Variants in RNLS observed in about 807,000 individuals in gnomAD.
RNLS encodes renalase.
A neutral mutation model predicts 39.8 loss-of-function variants in RNLS; 39 were observed. That is an observed-to-expected ratio of 0.98 (90% CI 0.76 to 1.28). RNLS has a LOEUF of 1.28. Ranked by LOEUF, RNLS falls within the 50% of genes most tolerant of loss-of-function variation. The pLI is 0.00. For synonymous variants in RNLS, 147 were observed against 150.7 expected, an observed-to-expected ratio of 0.98 and a Z score of 0.18; for missense variants, 410 against 413.3, an observed-to-expected ratio of 0.99 and a Z score of 0.07.
the RNLS span, among the ~76,000 whole-genome samples, chr10:88,172,123 T>G: frequency 2.0e-5 from 3 of 152,206 alleles, no homozygotes; most frequent in Non-Finnish European, 4.4e-5. Context: ...TAAATAATAC[T>G]GCAATAAACA....
chr10:88,290,106 G>A (rs1345864940), intron 6 of RNLS, among the ~76,000 whole-genome samples: 4 of 152,204 alleles, frequency 2.6e-5, no homozygotes, highest in African/African-American at 9.6e-5. Context: ...AGGCAGACAA[G>A]TAGGCTGAGT....
the RNLS span, among the ~76,000 whole-genome samples, chr10:88,244,792 G>C: frequency 6.6e-6 from 1 of 151,658 alleles, no homozygotes; most frequent in Admixed American, 6.6e-5. Context: ...TTTGCATTCA[G>C]TTTATTTTGA....
At chr10:88,527,881 C>A (rs1352352743) in intron 4 of RNLS, among the ~76,000 whole-genome samples, 1 of 149,684 alleles carries the variant, frequency 6.7e-6, no homozygotes, top group African/African-American at 2.5e-5. Context: ...AGTTTGTTAT[C>A]CTCAGAGAGA....
At chr10:88,351,343 T>C (rs189893661) in intron 5 of RNLS, among the ~76,000 whole-genome samples, 44 of 152,348 alleles carry the variant, frequency 2.9e-4, no homozygotes, top group African/African-American at 1.0e-3. Flanking sequence ...TGTTTTCTTC[T>C]ATGGTTTTTA....
At chr10:88,562,943 A>T (rs1395054723) in intron 4 of RNLS, among the ~76,000 whole-genome samples, 1 of 152,308 alleles carries the variant, frequency 6.6e-6, no homozygotes, top group East Asian at 1.9e-4. Context: ...ACCATAAATC[A>T]ACAAAAGTGA....
chr10:88,531,674 G>A (rs1847434054), intron 4 of RNLS, among the ~76,000 whole-genome samples: 1 of 151,928 alleles, frequency 6.6e-6, no homozygotes, highest in South Asian at 2.1e-4. Context: ...ACTAAGTCAG[G>A]GCACCATCTT....
At chr10:88,439,163 C>T (rs1841574606) in intron 4 of RNLS, among the ~76,000 whole-genome samples, 1 of 152,120 alleles carries the variant, frequency 6.6e-6, no homozygotes, top group African/African-American at 2.4e-5. Flanking sequence ...ACACTAAACT[C>T]AAGACTCTTT....
rs768939981 is a variant in RNLS, at chr10:88,524,956, C to CACATATATATATAT, written c.526+47946_526+47947insATATATATATATGT. 3.0e-4 allele frequency among the ~76,000 whole-genome samples: 23 copies of CACATATATATATAT among 76,238 alleles called. 2 individuals carry two copies. Among genetic ancestry groups the CACATATATATATAT allele is most frequent in the South Asian group, 1.1e-3 (2 of 1,858 alleles). The allele number at this position is 76,238 out of a possible 152,430, so 50.0% of individuals were successfully genotyped here. On this transcript the variant is annotated intron_variant, in intron 4 of 6. Coordinates refer to ENST00000331772, the MANE Select transcript of RNLS (RefSeq NM_001031709.3). ...CATATATATATATATATGGCACACA[C>CACATATATATATAT]ATACATATATATATATATATATATA...
At chr10:88,499,721 T>C (rs1845367386) in intron 4 of RNLS, among the ~76,000 whole-genome samples, 2 of 152,056 alleles carry the variant, frequency 1.3e-5, no homozygotes, top group Non-Finnish European at 2.9e-5. Context: ...AGCTTTTCAG[T>C]GCTTCTCCCT....
At chr10:88,474,618 A>T (rs370537001) in intron 4 of RNLS, among the ~76,000 whole-genome samples, 4 of 152,178 alleles carry the variant, frequency 2.6e-5, no homozygotes, top group South Asian at 2.1e-4. Flanking sequence ...TTGAGTAAAC[A>T]AAAAGGTAGT....
At chr10:88,292,387 G>A (rs1296020553) in intron 6 of RNLS, among the ~76,000 whole-genome samples, 3 of 151,804 alleles carry the variant, frequency 2.0e-5, no homozygotes, top group Non-Finnish European at 4.4e-5. Flanking sequence ...GCCACTATTT[G>A]CACTAAAGGA....
chr10:88,298,955 T>C (rs1844303305), intron 6 of RNLS, among the ~76,000 whole-genome samples: 1 of 152,206 alleles, frequency 6.6e-6, no homozygotes, highest in African/African-American at 2.4e-5. Flanking sequence ...ATATGATGTG[T>C]TTTTATTTAT....
chr10:88,446,581 G>A (rs1053160659), intron 4 of RNLS, among the ~76,000 whole-genome samples: 1 of 151,996 alleles, frequency 6.6e-6, no homozygotes, highest in African/African-American at 2.4e-5. Flanking sequence ...GACTAATAAA[G>A]AAGAAAATAG....
intron 4 of RNLS, among the ~76,000 whole-genome samples, chr10:88,523,718 C>T (rs924270047): frequency 1.4e-4 from 22 of 152,248 alleles, no homozygotes; most frequent in Admixed American, 1.4e-3. Flanking sequence ...CAAAGAAAGT[C>T]CTTTGTAGAT....
intron 4 of RNLS, 46 bp downstream of exon 4, chr10:88,572,857 A>C (rs1265811058): frequency 2.5e-6 from 4 of 1,595,294 alleles, no homozygotes; most frequent in Non-Finnish European, 3.4e-6. Context: ...CTTTGTCAAA[A>C]GAAATCCCAT....
downstream of RNLS, among the ~76,000 whole-genome samples, chr10:88,272,919 T>C (rs1384462508): frequency 2.0e-5 from 3 of 152,152 alleles, no homozygotes. Context: ...CAAATACATA[T>C]CCCTAGACCC....
intron 4 of RNLS, among the ~76,000 whole-genome samples, chr10:88,500,748 T>G (rs1164844255): frequency 6.6e-6 from 1 of 152,118 alleles, no homozygotes; most frequent in East Asian, 1.9e-4. Flanking sequence ...TCATTTTAAA[T>G]AATCATCCTC....
intron 4 of RNLS, among the ~76,000 whole-genome samples, chr10:88,470,766 C>T (rs977261701): frequency 6.6e-6 from 1 of 152,018 alleles, no homozygotes; most frequent in Admixed American, 6.6e-5. Context: ...CAGGAGCATG[C>T]TACCATGCCC....
chr10:88,254,111 A>T, the RNLS span, among the ~76,000 whole-genome samples: 2 of 151,696 alleles, frequency 1.3e-5, no homozygotes, highest in African/African-American at 4.9e-5. Context: ...CACATTTTTT[A>T]ATGTCCCATT....
Sources: allele counts gnomAD v4.1 joint callset (sites outside exome capture counted in the v4.1 genomes callset), GRCh38; gene constraint gnomAD v4.1.1; transcripts MANE v1.5; gene names NCBI Gene and HGNC (gene_info 2026-07-23, HGNC 2026-07-21).